HDAC2: variants seen among roughly 807,000 people sequenced by gnomAD.
HDAC2 encodes the protein YY1-associated factor 1.
Under a neutral mutation model 68.5 loss-of-function variants are expected in HDAC2, and 5 were observed. That is an observed-to-expected ratio of 0.07 (90% CI 0.04 to 0.15). The LOEUF (loss-of-function observed/expected upper bound fraction) is 0.15, where lower values mean the gene tolerates loss of function less well. HDAC2 is among the 10% of genes least tolerant of loss of function. The pLI, the probability that HDAC2 is intolerant of heterozygous loss-of-function variation, is 1.00. For missense variants in HDAC2, 291 were observed against 600.8 expected, an observed-to-expected ratio of 0.48 and a Z score of 5.39; for synonymous variants, 182 against 191.3, an observed-to-expected ratio of 0.95 and a Z score of 0.40.
intron 10 of HDAC2, among the ~76,000 whole-genome samples, chr6:113,945,095 G>GC (rs1305117498): frequency 2.6e-5 from 4 of 151,574 alleles, no homozygotes. Flanking sequence ...TGTAAGCTCA[G>GC]CACTTCTGAG....
Position 113,949,155 on chromosome 6 carries a change from CAAT to C in HDAC2, c.732+10_732+12del. The C allele has an allele frequency of 1.2e-6, 2 of 1,605,044 alleles. No individual in the cohort carries two copies. The highest frequency in any genetic ancestry group is 1.1e-5 in the South Asian group (1 of 90,844). On this transcript the variant is annotated intron_variant, in intron 7 of 13. Transcript: ENST00000519065. ...TGAAATTCCATTCCAATTGTGAAAA[CAAT>C]AATACTTACAGGCTTAAATATCTGC...
chr6:113,968,048 A>G (rs1776865132), intron 1 of HDAC2, among the ~76,000 whole-genome samples: 3 of 152,212 alleles, frequency 2.0e-5, no homozygotes, highest in Admixed American at 2.0e-4. Flanking sequence ...GCAGAGAACA[A>G]TATGTATATA....
chr6:113,963,665 T>C (rs899704111), intron 1 of HDAC2, among the ~76,000 whole-genome samples: 1 of 152,178 alleles, frequency 6.6e-6, no homozygotes, highest in African/African-American at 2.4e-5. Flanking sequence ...ATTACAAATA[T>C]TGCAAAACCT....
chr6:113,963,546 A>G (rs1012880776), intron 1 of HDAC2, among the ~76,000 whole-genome samples: 1 of 152,236 alleles, frequency 6.6e-6, no homozygotes, highest in Non-Finnish European at 1.5e-5. Flanking sequence ...GATATCCAAA[A>G]TGTTCCAAAA....
chr6:113,958,611 T>C, intron 3 of HDAC2, 38 bp downstream of exon 3: 1 of 968,068 alleles, frequency 1.0e-6, no homozygotes, highest in East Asian at 2.4e-5. Flanking sequence ...CTAATTTACA[T>C]TTATCAAAGC....
rs34412922 is a variant in HDAC2, at chr6:113,950,700, T to TGG, written c.640-1442_640-1441dup. On this transcript the variant is annotated intron_variant, in intron 6 of 13. Coordinates refer to ENST00000519065, the MANE Select transcript of HDAC2 (RefSeq NM_001527.4). ...CATGAGCCACTGCGCCTGAGTGGGG[T>TGG]GGGGGGGGGGTGCCTAATTCTTATG... Among the ~76,000 whole-genome samples, 337 of 62,482 alleles carry TGG rather than the reference T, an allele frequency of 5.4e-3. 6 individuals are homozygous for TGG. The highest frequency in any genetic ancestry group is 0.014 in the African/African-American group (237 of 17,244). 41.0% of individuals were successfully genotyped at this position (62,482 alleles called of 152,430 possible). A position where few individuals can be genotyped will look rare whatever the true frequency, so the allele number is the denominator to read the frequency against.
intron 3 of HDAC2, chr6:113,957,340 TCTTA>T (rs1325119568): frequency 6.6e-6 from 1 of 152,266 alleles, no homozygotes; most frequent in Non-Finnish European, 1.5e-5. Context: ...TGTAACCCTT[TCTTA>T]GTCTTTCCCT....
intron 6 of HDAC2, among the ~76,000 whole-genome samples, chr6:113,952,420 T>C (rs972923350): frequency 2.0e-5 from 3 of 152,234 alleles, no homozygotes; most frequent in Admixed American, 2.0e-4. Context: ...TGTGATCTAA[T>C]AAAGAAAAGC....
chr6:113,950,585 G>A (rs1019746707), intron 6 of HDAC2, among the ~76,000 whole-genome samples: 3 of 151,342 alleles, frequency 2.0e-5, no homozygotes, highest in Non-Finnish European at 4.4e-5. Flanking sequence ...AAGTAGAGAC[G>A]GGGTTTCACC....
chr6:113,944,837 A>G (rs1038718482), intron 10 of HDAC2, among the ~76,000 whole-genome samples: 1 of 152,206 alleles, frequency 6.6e-6, no homozygotes, highest in Non-Finnish European at 1.5e-5. Flanking sequence ...ATGAGAAAAC[A>G]TAAGCACAAA....
chr6:113,938,304 C>T lies in HDAC2; in HGVS notation c.*2754G>A, dbSNP rs1404520570. 2 of 152,052 alleles carry T rather than the reference C, an allele frequency of 1.3e-5. No individual in the cohort carries two copies. The highest frequency in any genetic ancestry group is 2.9e-5 in the Non-Finnish European group (2 of 68,008). The allele number at this position is 152,052 out of a possible 1,614,324, so 9.4% of individuals were successfully genotyped here. On this transcript the variant is annotated 3_prime_UTR_variant, in exon 14 of 14. Transcript: ENST00000519065. ...GTTCACATCCTTATACATTTTGTTC[C>T]TCTACTATCTTTAGATATGAGCCTT...
rs1193115899 is a variant in HDAC2 at position 113,934,011 on chromosome 6, C to T, written c.*7047G>A. The T allele has an allele frequency of 6.6e-6, 1 of 151,738 alleles. No homozygotes were observed. Among genetic ancestry groups the T allele is most frequent in the Non-Finnish European group, 1.5e-5 (1 of 67,968 alleles). The allele number at this position is 151,738 out of a possible 1,614,324, so 9.4% of individuals were successfully genotyped here. On this transcript the variant is annotated 3_prime_UTR_variant, in exon 14 of 14. Coordinates refer to ENST00000519065, the MANE Select transcript of HDAC2 (RefSeq NM_001527.4). ...TAATAGTAATGTTTGGTACAATCAACTGACTTAAAACTTTAAAAAACTGAA... is the reference window on the plus strand; with the variant it reads ...TAATAGTAATGTTTGGTACAATCAATTGACTTAAAACTTTAAAAAACTGAA...
intron 9 of HDAC2, 60 bp from the exon 10 acceptor site, chr6:113,945,530 GCA>G: frequency 1.2e-6 from 1 of 833,776 alleles, no homozygotes. Context: ...AAAAAACCAT[GCA>G]CAGAATCCAG....
intron 10 of HDAC2, among the ~76,000 whole-genome samples, chr6:113,944,972 C>T (rs1157872029): frequency 6.6e-6 from 1 of 152,090 alleles, no homozygotes; most frequent in East Asian, 1.9e-4. Context: ...ATGTTCCAGA[C>T]AATGAAAATA....
intron 1 of HDAC2, among the ~76,000 whole-genome samples, chr6:113,966,895 T>C (rs575187371): frequency 3.9e-5 from 6 of 152,382 alleles, no homozygotes; most frequent in Non-Finnish European, 5.9e-5. Flanking sequence ...TTAGTATTAC[T>C]GGTATTTATG....
intron 1 of HDAC2, among the ~76,000 whole-genome samples, chr6:113,962,653 T>C (rs888543591): frequency 2.0e-5 from 3 of 152,180 alleles, no homozygotes; most frequent in African/African-American, 7.2e-5. Flanking sequence ...AAGCTACAGA[T>C]AATTTTTTGG....
intron 6 of HDAC2, among the ~76,000 whole-genome samples, chr6:113,950,288 A>T (rs1776378895): frequency 6.6e-6 from 1 of 152,106 alleles, no homozygotes; most frequent in Admixed American, 6.5e-5. Flanking sequence ...CTGTGTGTGT[A>T]TACGTATTCC....
chr6:113,940,392 C>T lies in HDAC2; in HGVS notation c.*666G>A, dbSNP rs1036391096. On this transcript the variant is annotated 3_prime_UTR_variant, in exon 14 of 14. Coordinates refer to ENST00000519065, the MANE Select transcript of HDAC2 (RefSeq NM_001527.4). ...AGTTTCTTCTTTCAATTCAGAATTT[C>T]CATTTCAATTTTGAGAATCTTTGGG... The T allele has an allele frequency of 2.6e-5, 4 of 152,178 alleles. No individual in the cohort carries two copies. Among genetic ancestry groups the T allele is most frequent in the Non-Finnish European group, 4.4e-5 (3 of 68,036 alleles). 9.4% of individuals were successfully genotyped at this position (152,178 alleles called of 1,614,324 possible).
chr6:113,934,235 G>A lies in HDAC2; in HGVS notation c.*6823C>T, dbSNP rs1449036897. ...CTGAATGCCAACTATCTGGGTTAATGACTATCTGGGTTGATACGCATCTCA... is the reference window on the plus strand; with the variant it reads ...CTGAATGCCAACTATCTGGGTTAATAACTATCTGGGTTGATACGCATCTCA... On this transcript the variant is annotated 3_prime_UTR_variant, in exon 14 of 14. Coordinates refer to ENST00000519065, the MANE Select transcript of HDAC2 (RefSeq NM_001527.4). 1.6e-4 allele frequency: 24 copies of A among 152,202 alleles called. No homozygotes were observed. Among genetic ancestry groups the A allele is most frequent in the Admixed American group, 1.6e-3 (24 of 15,286 alleles). The allele number at this position is 152,202 out of a possible 1,614,324, so 9.4% of individuals were successfully genotyped here. A position where few individuals can be genotyped will look rare whatever the true frequency, so the allele number is the denominator to read the frequency against.
Sources: gnomAD v4.1 joint callset for allele counts (sites outside exome capture counted in the v4.1 genomes callset) on GRCh38, gnomAD v4.1.1 for gene constraint, MANE v1.5 for transcripts, NCBI Gene and HGNC (gene_info 2026-07-23, HGNC 2026-07-21) for gene names.